Variants in USP32 observed in about 807,000 individuals in gnomAD.
The protein encoded by USP32 is ubiquitin specific peptidase 32.
A neutral mutation model predicts 204.8 loss-of-function variants in USP32; 59 were observed. The ratio of observed to expected loss-of-function variants is 0.29; its 90% confidence interval spans 0.23 to 0.36. The LOEUF (loss-of-function observed/expected upper bound fraction) is 0.36. USP32 is among the 10% of genes least tolerant of loss of function. USP32 has a pLI of 1.00. For missense variants in USP32, 1,160 were observed against 1,946.4 expected (o/e 0.60, Z 7.60); for synonymous variants, 517 against 678.4 (o/e 0.76, Z 3.70).
At chr17:60,294,169 G>A (rs2087363281) in intron 4 of USP32, among the ~76,000 whole-genome samples, 1 of 152,154 alleles carries the variant, frequency 6.6e-6, no homozygotes, top group African/African-American at 2.4e-5. Flanking sequence ...GTCACCCAAA[G>A]TACTTGGATT....
intron 15 of USP32, 88 bp downstream of exon 15, chr17:60,222,321 T>C (rs1018503585): frequency 2.1e-6 from 3 of 1,453,048 alleles, no homozygotes; most frequent in Non-Finnish European, 2.8e-6. Context: ...AGAGCTACTT[T>C]GTGGTTAGTG....
At chr17:60,212,160 CTTTT>C (rs542341021) in intron 18 of USP32, 62 bp from the exon 19 acceptor site, 1 of 1,113,180 alleles carries the variant, frequency 9.0e-7, no homozygotes, top group Non-Finnish European at 1.2e-6. Flanking sequence ...CATTCGATTG[CTTTT>C]TTTTTTTAAA....
chr17:60,245,360 T>C (rs765849277), intron 11 of USP32: 4 of 393,596 alleles, frequency 1.0e-5, no homozygotes, highest in Non-Finnish European at 2.0e-5. Flanking sequence ...CTTTCCACAA[T>C]GTCTTTGCAG....
In USP32 at chr17:60,212,045, T is replaced by G. The variant is rs778433817; in HGVS notation, c.2158A>C (p.Ser720Arg). Reference protein sequence around the residue: ...PEEMSFIANSSKIDRHKVPTE... With the variant: ...PEEMSFIANSRKIDRHKVPTE... ...TTACCCTTGTGTCTATCTATTTTAC[T>G]ACTATTTGCTATAAAAGACATCTCC... is the stretch of plus-strand genomic sequence containing the variant. Residue 720 changes from serine to arginine, a missense_variant, in exon 19 of 34, where the codon AGT (serine) becomes CGT (arginine). Coordinates refer to ENST00000300896, the MANE Select transcript of USP32 (RefSeq NM_032582.4). The G allele has an allele frequency of 6.2e-7, 1 of 1,603,788 alleles. No individual in the cohort carries two copies. The highest frequency in any genetic ancestry group is 1.7e-5 in the Admixed American group (1 of 58,948).
intron 1 of USP32, among the ~76,000 whole-genome samples, chr17:60,361,156 C>T (rs1233467144): frequency 6.6e-6 from 1 of 152,028 alleles, no homozygotes; most frequent in Non-Finnish European, 1.5e-5. Context: ...ACAACAAAAA[C>T]CCGGTATATA....
chr17:60,180,156 G>C (rs1399318788), intron 33 of USP32, among the ~76,000 whole-genome samples: 1 of 152,126 alleles, frequency 6.6e-6, no homozygotes, highest in African/African-American at 2.4e-5. Flanking sequence ...CTCCCGAGTA[G>C]CTGGGATTAG....
chr17:60,370,352 C>A (rs1027991200), intron 1 of USP32, among the ~76,000 whole-genome samples: 79 of 151,960 alleles, frequency 5.2e-4, no homozygotes, highest in Middle Eastern at 3.4e-3. Flanking sequence ...CCAAAAAAAA[C>A]CAATTAAAAC....
At chr17:60,221,779 C>A (rs1344425813) in intron 15 of USP32, among the ~76,000 whole-genome samples, 1 of 152,094 alleles carries the variant, frequency 6.6e-6, no homozygotes, top group East Asian at 1.9e-4. Context: ...GCTGGGATTA[C>A]AGGTGGAAGA....
chr17:60,209,789 T>C (rs2627862), intron 21 of USP32, among the ~76,000 whole-genome samples: 3 of 152,292 alleles, frequency 2.0e-5, no homozygotes, highest in Non-Finnish European at 2.9e-5. Flanking sequence ...AGTTCAGTAT[T>C]ATGTAAGCAA....
rs532696160 is a variant in USP32 at position 60,224,062 on chromosome 17, A to G, written c.1433-476T>C. ...AGATCCTATTGTATCTATGAACTCAATGTCCACAAGTTCTTTTGAAAGAAA... is the reference window on the plus strand; with the variant it reads ...AGATCCTATTGTATCTATGAACTCAGTGTCCACAAGTTCTTTTGAAAGAAA... On this transcript the variant is annotated intron_variant, in intron 13 of 33. Transcript: ENST00000300896. Among the ~76,000 whole-genome samples the G allele has an allele frequency of 1.1e-4, 17 of 152,372 alleles. No homozygotes were observed. The South Asian group carries it at 3.3e-3, about 30-fold the overall frequency.
At chr17:60,204,677 C>T (rs2084777642) in intron 26 of USP32, among the ~76,000 whole-genome samples, 2 of 152,240 alleles carry the variant, frequency 1.3e-5, no homozygotes, top group South Asian at 4.1e-4. Context: ...CCACATTGGC[C>T]AGGCTGTTCT....
intron 2 of USP32, among the ~76,000 whole-genome samples, chr17:60,310,008 C>T (rs1026089673): frequency 1.3e-5 from 2 of 151,454 alleles, no homozygotes; most frequent in African/African-American, 4.9e-5. Flanking sequence ...TGTGCCACTG[C>T]ACTCCAGCCT....
Position 60,183,165 on chromosome 17 carries a change from C to T in USP32, c.4123G>A (p.Gly1375Ser), listed in dbSNP as rs1298588121. The T allele has an allele frequency of 3.1e-6, 5 of 1,607,178 alleles. No individual in the cohort carries two copies. In the South Asian group the frequency reaches 4.4e-5, roughly 14 times the overall value. ...CCTGCATAAGGCCCCCAGGCCTCAC[C>T]TTTCGGGCTGCTGATGATGTTAGCG... ...LSANIISSPK[G>S]SPSSSRKSGT... is the part of the protein sequence containing the mutation. The change falls in exon 31 of 34, where the codon GGT becomes AGT. Residue 1375 changes from glycine to serine, a missense_variant and splice_region_variant. Gly to Ser is a moderately conservative substitution (Grantham distance 56). Coordinates refer to ENST00000300896, the MANE Select transcript of USP32 (RefSeq NM_032582.4).
At chr17:60,418,495 AG>A (rs1270253114) in intron 1 of USP32, among the ~76,000 whole-genome samples, 2 of 151,872 alleles carry the variant, frequency 1.3e-5, no homozygotes, top group Non-Finnish European at 1.5e-5. Flanking sequence ...TTTCAACAAA[AG>A]CAAAAAGTGA....
chr17:60,352,311 G>A (rs908638080), intron 1 of USP32, among the ~76,000 whole-genome samples: 2 of 152,128 alleles, frequency 1.3e-5, no homozygotes, highest in Non-Finnish European at 2.9e-5. Flanking sequence ...TACAATGGCT[G>A]CATCTCCAGC....
chr17:60,338,816 T>C (rs920078754), intron 2 of USP32, among the ~76,000 whole-genome samples: 36 of 152,256 alleles, frequency 2.4e-4, no homozygotes, highest in African/African-American at 8.7e-4. Context: ...CCTTGTTTTC[T>C]CAATCCCCTC....
intron 1 of USP32, among the ~76,000 whole-genome samples, chr17:60,361,781 C>T (rs2089212371): frequency 6.6e-6 from 1 of 152,072 alleles, no homozygotes; most frequent in Admixed American, 6.6e-5. Flanking sequence ...ATCTGGCACC[C>T]TGCTATTATG....
intron 1 of USP32, among the ~76,000 whole-genome samples, chr17:60,346,744 G>T (rs940102903): frequency 6.6e-6 from 1 of 152,086 alleles, no homozygotes; most frequent in Non-Finnish European, 1.5e-5. Flanking sequence ...AGAAAACAGA[G>T]AATTCTTCCA....
chr17:60,316,375 C>T (rs2087978299), intron 2 of USP32, among the ~76,000 whole-genome samples: 1 of 151,930 alleles, frequency 6.6e-6, no homozygotes. Flanking sequence ...GAACGGAAAT[C>T]AGGTATAGGG....
Sources: gnomAD v4.1 joint callset for allele counts (sites outside exome capture counted in the v4.1 genomes callset) on GRCh38, gnomAD v4.1.1 for gene constraint, MANE v1.5 for transcripts, NCBI Gene and HGNC (gene_info 2026-07-23, HGNC 2026-07-21) for gene names.